Variants in GPR137B observed in about 807,000 individuals in gnomAD.
The protein encoded by GPR137B is G protein-coupled receptor 137B, also known as integral membrane protein GPR137B.
GPR137B carries 42 observed loss-of-function variants against 42.5 expected under a neutral mutation model. That is an observed-to-expected ratio of 0.99 (90% CI 0.77 to 1.28). GPR137B has a LOEUF of 1.28. GPR137B is among the 50% of genes most tolerant of loss of function. GPR137B has a pLI of 0.00. For missense variants in GPR137B, 487 were observed against 493.9 expected (o/e 0.99, Z 0.13); for synonymous variants, 218 against 209.7 (o/e 1.04, Z -0.34).
rs10802340 is a variant in GPR137B, at chr1:236,175,734, G to T, written c.465-2680G>T. Among the ~76,000 whole-genome samples, 9 of 151,918 alleles carry T rather than the reference G, an allele frequency of 5.9e-5. No homozygotes were observed. The South Asian group carries it at 1.9e-3, about 32-fold the overall frequency. ...CCGTAATACCTCCCTGTAAGCCAGGGGCTGCCCTCAAAGCTCCACAGGCAT... is the reference window on the plus strand; with the variant it reads ...CCGTAATACCTCCCTGTAAGCCAGGTGCTGCCCTCAAAGCTCCACAGGCAT... On this transcript the variant is annotated intron_variant, in intron 2 of 6. Coordinates refer to ENST00000366592, the MANE Select transcript of GPR137B (RefSeq NM_003272.4).
chr1:236,200,886 T>C (rs986652041), intron 5 of GPR137B, among the ~76,000 whole-genome samples: 16 of 146,024 alleles, frequency 1.1e-4, no homozygotes, highest in Admixed American at 8.9e-4. Context: ...ATCATGCCAG[T>C]TGTTGCCTGA....
intron 5 of GPR137B, among the ~76,000 whole-genome samples, chr1:236,200,800 A>C (rs962281929): frequency 6.6e-6 from 1 of 151,976 alleles, no homozygotes; most frequent in East Asian, 1.9e-4. Flanking sequence ...CTAGTCTGCC[A>C]TTCTGTATCT....
chr1:236,168,424 GAAAAAAAA>G (rs199657686), intron 1 of GPR137B, among the ~76,000 whole-genome samples: 1 of 85,592 alleles, frequency 1.2e-5, no homozygotes. Flanking sequence ...ATTCTGTCTC[GAAAAAAAA>G]AAAAAAAAAG....
rs756349500 is a variant in GPR137B at position 236,179,961 on chromosome 1, T to C, written c.770T>C (p.Ile257Thr). Residue 257 changes from isoleucine (I) to threonine (T), a missense_variant, in exon 4 of 7, where the codon ATC (isoleucine) becomes ACC (threonine). Transcript: ENST00000366592. ...TCTCGGGCCTGCTACAACCTGTTCA[T>C]CCTGTCATTTTCTCAGAACAAGAGC... Reference protein sequence around the residue: ...YTSRACYNLFILSFSQNKSVH... With the variant: ...YTSRACYNLFTLSFSQNKSVH... 3 of 1,613,194 alleles carry C rather than the reference T, an allele frequency of 1.9e-6. No individual in the cohort carries two copies. The Admixed American group carries it at 5.0e-5, about 27-fold the overall frequency.
rs568547455 is a variant in GPR137B, at chr1:236,155,127, C to T, written c.414+12091C>T. Among the ~76,000 whole-genome samples the T allele has an allele frequency of 6.6e-6, 1 of 152,286 alleles. No individual in the cohort carries two copies. Among genetic ancestry groups the T allele is most frequent in the African/African-American group, 2.4e-5 (1 of 41,568 alleles). Reference sequence around the variant, plus strand: ...CTCCACCTCTGTGCGGAACTGATGCCGAGACGGACTCCACCCAGGCAGTGG... The same window carrying T: ...CTCCACCTCTGTGCGGAACTGATGCTGAGACGGACTCCACCCAGGCAGTGG... On this transcript the variant is annotated intron_variant, in intron 1 of 6. Coordinates refer to ENST00000366592, the MANE Select transcript of GPR137B (RefSeq NM_003272.4). The surrounding 1 kb of genome is among the most constrained non-coding windows in gnomAD (Gnocchi z 4.6).
chr1:236,186,198 T>G (rs1171279064), intron 5 of GPR137B, among the ~76,000 whole-genome samples: 1 of 77,352 alleles, frequency 1.3e-5, no homozygotes, highest in Non-Finnish European at 2.4e-5. Flanking sequence ...CATTTTTTTT[T>G]ATTATTATAC....
chr1:236,160,436 C>A (rs557866008), intron 1 of GPR137B, among the ~76,000 whole-genome samples: 1 of 152,224 alleles, frequency 6.6e-6, no homozygotes, highest in East Asian at 1.9e-4. Flanking sequence ...CTGTCCCTGC[C>A]ATGTTCCCTC....
At position 236,156,939 on chromosome 1, in the gene GPR137B, C is replaced by T. The variant is rs926075428; in HGVS notation, c.415-11767C>T. 2.0e-5 allele frequency among the ~76,000 whole-genome samples: 3 copies of T among 152,136 alleles called. No individual in the cohort carries two copies. Among genetic ancestry groups the T allele is most frequent in the Non-Finnish European group, 2.9e-5 (2 of 68,030 alleles). On this transcript the variant is annotated intron_variant, in intron 1 of 6. Coordinates refer to ENST00000366592, the MANE Select transcript of GPR137B (RefSeq NM_003272.4). This position sits in a 1 kb window ranked among gnomAD's most constrained non-coding sequence, Gnocchi z 4.8. ...CTGTGGTCACAGTTTAGTAGCTGTG[C>T]GTTTAGAATCATGGTTTGCGAACAT...
At position 236,150,155 on chromosome 1, in the gene GPR137B, CTG is replaced by C. The variant is rs1279971334; in HGVS notation, c.414+7122_414+7123del. ...CCTGTGTGTGTGCCTCTGTTTGTGT[CTG>C]TGCATGTGTGTGCCCGTTTGTGTTT... On this transcript the variant is annotated intron_variant, in intron 1 of 6. Transcript: ENST00000366592. This position sits in a 1 kb window ranked among gnomAD's most constrained non-coding sequence, Gnocchi z 6.2. Among the ~76,000 whole-genome samples, 1 of 144,176 alleles carries C rather than the reference CTG, an allele frequency of 6.9e-6. No individual in the cohort carries two copies. The highest frequency in any genetic ancestry group is 1.5e-5 in the Non-Finnish European group (1 of 66,060). The allele number at this position is 144,176 out of a possible 152,430, so 94.6% of individuals were successfully genotyped here.
In GPR137B at chr1:236,183,867, C is replaced by T. The variant is rs1194650919; in HGVS notation, c.927C>T (p.Val309=). Residue 309 remains valine (V), a synonymous_variant, in exon 5 of 7, where the codon GTC becomes GTT. Coordinates refer to ENST00000366592, the MANE Select transcript of GPR137B (RefSeq NM_003272.4). ...GGGAACTCTTACCTACCACCTTAGT[C>T]GTTTATTTCTTCCGAGTTAGAAATC... The part of the protein sequence containing the change: ...FVWELLPTTL[V]VYFFRVRNPT... The T allele has an allele frequency of 2.5e-6, 4 of 1,607,686 alleles. 1 individual carries two copies. In the South Asian group the frequency reaches 3.3e-5, roughly 13 times the overall value.
At chr1:236,175,546 G>A (rs748145550) in intron 2 of GPR137B, among the ~76,000 whole-genome samples, 23 of 152,192 alleles carry the variant, frequency 1.5e-4, no homozygotes, top group Non-Finnish European at 3.1e-4. Flanking sequence ...CAAAAGCACA[G>A]CGGATAAAAC....
chr1:236,178,290 G>A (rs2102910048), intron 2 of GPR137B, 124 bp from the exon 3 acceptor site: 1 of 644,924 alleles, frequency 1.6e-6, no homozygotes. Context: ...TCTATTGCCA[G>A]AGTCCAAGCT....
At chr1:236,207,335 C>T in intron 6 of GPR137B, 4 of 931,458 alleles carry the variant, frequency 4.3e-6, no homozygotes, top group Non-Finnish European at 5.1e-6. Flanking sequence ...CAAAAGCTGT[C>T]CTTTGGGTCA....
chr1:236,205,249 G>C lies in GPR137B; in HGVS notation c.1090G>C (p.Gly364Arg). The C allele has an allele frequency of 6.2e-7, 1 of 1,611,288 alleles. No homozygotes were observed. Among genetic ancestry groups the C allele is most frequent in the Non-Finnish European group, 8.5e-7 (1 of 1,177,726 alleles). Reference protein sequence around the residue: ...WNIAPQGLQGGFAPDYYDWGQ... With the variant: ...WNIAPQGLQGRFAPDYYDWGQ... Reference sequence around the variant, plus strand: ...CATTGCCCCTCAGGGACTTCAGGGAGGGTAAGACCCTACTTCATGTTAGAC... The same window carrying C: ...CATTGCCCCTCAGGGACTTCAGGGACGGTAAGACCCTACTTCATGTTAGAC... The change falls in exon 6 of 7, where the codon GGT becomes CGT. Residue 364 changes from glycine (G) to arginine (R), a missense_variant and splice_region_variant. Gly to Arg is a moderately radical substitution (Grantham distance 125). Transcript: ENST00000366592.
chr1:236,205,082 G>A (rs971479422), intron 5 of GPR137B, 44 bp from the exon 6 acceptor site: 5 of 1,547,118 alleles, frequency 3.2e-6, no homozygotes, highest in Non-Finnish European at 4.4e-6. Context: ...CTGGTGCAAG[G>A]CATGATGTCT....
chr1:236,183,475 C>T (rs1336560810), intron 4 of GPR137B, among the ~76,000 whole-genome samples: 1 of 152,022 alleles, frequency 6.6e-6, no homozygotes, highest in Admixed American at 6.6e-5. Flanking sequence ...AAGTTTCTGT[C>T]TTTGAATATT....
chr1:236,183,518 G>C (rs749324861), intron 4 of GPR137B, among the ~76,000 whole-genome samples: 8 of 151,998 alleles, frequency 5.3e-5, no homozygotes, highest in Non-Finnish European at 1.0e-4. Context: ...ATCTCATATG[G>C]TTTAAAAAAT....
intron 5 of GPR137B, among the ~76,000 whole-genome samples, chr1:236,199,098 T>C (rs545871053): frequency 2.0e-5 from 3 of 152,324 alleles, no homozygotes; most frequent in Admixed American, 6.5e-5. Context: ...CTGAGGGCTT[T>C]AGTCCTAAAC....
At chr1:236,207,076 C>T (rs1663683750) in intron 6 of GPR137B, 5 of 816,120 alleles carry the variant, frequency 6.1e-6, no homozygotes, top group Non-Finnish European at 7.4e-6. Context: ...TTGTTAGTAA[C>T]AGTGAAAGTC....
Sources: gnomAD v4.1 joint callset for allele counts (sites outside exome capture counted in the v4.1 genomes callset) on GRCh38, gnomAD v4.1.1 for gene constraint, Gnocchi (gnomAD v3.1) non-coding constraint, MANE v1.5 for transcripts, NCBI Gene and HGNC (gene_info 2026-07-23, HGNC 2026-07-21) for gene names.